ARHGAP15: variants seen among roughly 807,000 people sequenced by gnomAD.
ARHGAP15 encodes the protein Rho GTPase activating protein 15.
A neutral mutation model predicts 63.7 loss-of-function variants in ARHGAP15; 51 were observed. The observed-to-expected ratio is 0.80, with a 90% CI of 0.64 to 1.01. The LOEUF (loss-of-function observed/expected upper bound fraction) is 1.01, where lower values mean the gene tolerates loss of function less well. Among genes scored for constraint, ARHGAP15 ranks in the 50% least tolerant of loss-of-function variants. The pLI, the probability that ARHGAP15 is intolerant of heterozygous loss-of-function variation, is 0.00. For synonymous variants in ARHGAP15, 191 were observed against 193.8 expected (o/e 0.99, Z 0.12); for missense variants, 560 against 564.6 (o/e 0.99, Z 0.08).
At chr2:143,642,788 T>C (rs1381020490) in intron 12 of ARHGAP15, among the ~76,000 whole-genome samples, 1 of 152,090 alleles carries the variant, frequency 6.6e-6, no homozygotes, top group Non-Finnish European at 1.5e-5. Context: ...ATATGGAGTT[T>C]GGAGAGCCAG....
chr2:143,177,896 C>T (rs954854345), intron 2 of ARHGAP15, among the ~76,000 whole-genome samples: 1 of 151,994 alleles, frequency 6.6e-6, no homozygotes, highest in African/African-American at 2.4e-5. Flanking sequence ...TAAAAATATG[C>T]TATTTGTGTT....
chr2:143,750,567 C>T (rs1406787527), intron 13 of ARHGAP15, among the ~76,000 whole-genome samples: 2 of 152,170 alleles, frequency 1.3e-5, no homozygotes, highest in African/African-American at 2.4e-5. Flanking sequence ...GAATCTGAGG[C>T]TCAGAGAAAT....
At chr2:143,559,975 CAAGT>C (rs907713492) in intron 11 of ARHGAP15, among the ~76,000 whole-genome samples, 9 of 152,174 alleles carry the variant, frequency 5.9e-5, no homozygotes, top group Non-Finnish European at 8.8e-5. Context: ...CATTTTTAAA[CAAGT>C]AAGCCCTGCC....
At chr2:143,501,883 G>A (rs1309283914) in intron 9 of ARHGAP15, among the ~76,000 whole-genome samples, 1 of 152,138 alleles carries the variant, frequency 6.6e-6, no homozygotes, top group Non-Finnish European at 1.5e-5. Flanking sequence ...CATAGGAGAG[G>A]TCTCTGCCTA....
At chr2:143,181,226 C>T (rs1691223186) in intron 2 of ARHGAP15, among the ~76,000 whole-genome samples, 1 of 152,096 alleles carries the variant, frequency 6.6e-6, no homozygotes, top group Non-Finnish European at 1.5e-5. Context: ...TGCTGTCATC[C>T]AGGCTTTGTT....
intron 2 of ARHGAP15, among the ~76,000 whole-genome samples, chr2:143,186,384 TG>T (rs931121492): frequency 2.1e-4 from 32 of 152,300 alleles, no homozygotes; most frequent in African/African-American, 5.1e-4. Flanking sequence ...TTCTTGTTCT[TG>T]GGGGGAAAAG....
chr2:143,416,645 C>T (rs1054713020), intron 6 of ARHGAP15, among the ~76,000 whole-genome samples: 18 of 152,050 alleles, frequency 1.2e-4, no homozygotes, highest in Non-Finnish European at 2.5e-4. Flanking sequence ...TTCTGAGGTC[C>T]CTTCTTTCTC....
At chr2:143,460,411 T>A (rs1216834470) in intron 8 of ARHGAP15, among the ~76,000 whole-genome samples, 1 of 152,192 alleles carries the variant, frequency 6.6e-6, no homozygotes, top group Non-Finnish European at 1.5e-5. Context: ...ATCCTCTGCA[T>A]TCTTGAAGGC....
chr2:143,669,130 AG>A (rs1278956436), intron 12 of ARHGAP15, among the ~76,000 whole-genome samples: 7 of 152,216 alleles, frequency 4.6e-5, no homozygotes, highest in Non-Finnish European at 8.8e-5. Context: ...GCACACTAAA[AG>A]TATCCACTTA....
intron 10 of ARHGAP15, among the ~76,000 whole-genome samples, chr2:143,520,671 ATTC>A (rs2104986987): frequency 6.6e-6 from 1 of 152,322 alleles, no homozygotes; most frequent in South Asian, 2.1e-4. Flanking sequence ...AGGAATAAAT[ATTC>A]TTTGGTAAGT....
chr2:143,366,696 A>G (rs991450760), intron 6 of ARHGAP15, among the ~76,000 whole-genome samples: 1 of 152,116 alleles, frequency 6.6e-6, no homozygotes, highest in Non-Finnish European at 1.5e-5. Context: ...ATAGGGTTAA[A>G]GAAATGATTC....
At chr2:143,456,128 G>A (rs1258066603) in intron 8 of ARHGAP15, among the ~76,000 whole-genome samples, 1 of 152,006 alleles carries the variant, frequency 6.6e-6, no homozygotes, top group Non-Finnish European at 1.5e-5. Flanking sequence ...CCTACATTTG[G>A]CTTATGCAAA....
At chr2:143,269,080 C>G (rs1337544556) in intron 6 of ARHGAP15, among the ~76,000 whole-genome samples, 1 of 151,984 alleles carries the variant, frequency 6.6e-6, no homozygotes, top group Non-Finnish European at 1.5e-5. Context: ...TTTCCTATGC[C>G]AAATATTTCT....
Position 143,518,534 on chromosome 2 carries a change from A to G in ARHGAP15, c.827-732A>G, listed in dbSNP as rs140669420. Reference sequence around the variant, plus strand: ...GGCATATCATGGGCTTTAAAAATAAATGCATGTTAAACCTGTCTAACTTTG... The same window carrying G: ...GGCATATCATGGGCTTTAAAAATAAGTGCATGTTAAACCTGTCTAACTTTG... On this transcript the variant is annotated intron_variant, in intron 9 of 13. Transcript: ENST00000295095. Among the ~76,000 whole-genome samples the G allele has an allele frequency of 5.1e-3, 777 of 152,366 alleles. 6 individuals carry two copies. The highest frequency in any genetic ancestry group is 0.018 in the African/African-American group (731 of 41,584).
intron 13 of ARHGAP15, among the ~76,000 whole-genome samples, chr2:143,729,171 T>C (rs890615174): frequency 1.2e-4 from 18 of 152,274 alleles, no homozygotes; most frequent in African/African-American, 4.3e-4. Flanking sequence ...TTCTGATAAA[T>C]GAAGGACCCA....
At chr2:143,624,394 T>TA (rs1698760548) in intron 12 of ARHGAP15, 127 bp downstream of exon 12, 7 of 1,115,042 alleles carry the variant, frequency 6.3e-6, no homozygotes, top group Non-Finnish European at 8.2e-6. Flanking sequence ...CTCCATATCT[T>TA]ACGTTTTCGT....
At chr2:143,265,193 G>GA (rs1385237258) in intron 6 of ARHGAP15, among the ~76,000 whole-genome samples, 1 of 150,480 alleles carries the variant, frequency 6.6e-6, no homozygotes, top group African/African-American at 2.5e-5. Flanking sequence ...TTGGCCTCCT[G>GA]AAAATCAGAG....
intron 4 of ARHGAP15, among the ~76,000 whole-genome samples, chr2:143,223,460 T>C (rs1693080170): frequency 6.6e-6 from 1 of 152,176 alleles, no homozygotes; most frequent in Non-Finnish European, 1.5e-5. Context: ...ACCCCTTTAG[T>C]CTATCCAACA....
At chr2:143,605,735 C>A (rs1056657552) in intron 11 of ARHGAP15, among the ~76,000 whole-genome samples, 4 of 151,490 alleles carry the variant, frequency 2.6e-5, no homozygotes, top group Admixed American at 1.3e-4. Context: ...CATTCACCTC[C>A]AGGCATGGTG....
Sources: allele counts gnomAD v4.1 joint callset (sites outside exome capture counted in the v4.1 genomes callset), GRCh38; gene constraint gnomAD v4.1.1; transcripts MANE v1.5; gene names NCBI Gene and HGNC (gene_info 2026-07-23, HGNC 2026-07-21).